The following TBL1XR1 variants were observed in gnomAD, a reference collection of about 807,000 sequenced individuals.
The protein encoded by TBL1XR1 is TBL1X/Y related 1, also known as F-box-like/WD repeat-containing protein TBL1XR1.
In TBL1XR1, 5 loss-of-function variants were observed where a neutral mutation model predicts 66.9. The ratio of observed to expected loss-of-function variants is 0.07; its 90% confidence interval spans 0.04 to 0.16. The LOEUF (loss-of-function observed/expected upper bound fraction) is 0.16. TBL1XR1 is among the 10% of genes least tolerant of loss of function. The pLI, the probability that TBL1XR1 is intolerant of heterozygous loss-of-function variation, is 1.00. For missense variants in TBL1XR1, 238 were observed against 623.2 expected, an observed-to-expected ratio of 0.38 and a Z score of 6.58; for synonymous variants, 210 against 206.0, an observed-to-expected ratio of 1.02 and a Z score of -0.17.
Position 177,022,023 on chromosome 3 carries a change from A to G in TBL1XR1, c.*3475T>C, listed in dbSNP as rs1326737689. On this transcript the variant is annotated 3_prime_UTR_variant, in exon 16 of 16. Transcript: ENST00000457928. ...ACAGTCCTCTTTAGGCCTCTACTCAATAATAGTTTACATTACTCTTAACAA... is the reference window on the plus strand; with the variant it reads ...ACAGTCCTCTTTAGGCCTCTACTCAGTAATAGTTTACATTACTCTTAACAA... The G allele has an allele frequency of 1.3e-5, 2 of 152,564 alleles. No individual in the cohort carries two copies. The highest frequency in any genetic ancestry group is 4.8e-5 in the African/African-American group (2 of 41,426). 9.5% of individuals were successfully genotyped at this position (152,564 alleles called of 1,614,324 possible). A position where few individuals can be genotyped will look rare whatever the true frequency, so the allele number is the denominator to read the frequency against.
At chr3:177,115,096 T>G (rs1375397036) in intron 1 of TBL1XR1, among the ~76,000 whole-genome samples, 2 of 152,142 alleles carry the variant, frequency 1.3e-5, no homozygotes, top group Admixed American at 6.5e-5. Flanking sequence ...ATGGGCAGGA[T>G]GGACTCCATA....
chr3:177,144,017 A>C (rs1285196506), intron 1 of TBL1XR1, among the ~76,000 whole-genome samples: 2 of 150,752 alleles, frequency 1.3e-5, no homozygotes, highest in African/African-American at 4.9e-5. Context: ...TTTGGGAGGC[A>C]GGCGGATCAC....
chr3:177,148,386 C>T (rs190152589), intron 1 of TBL1XR1, among the ~76,000 whole-genome samples: 1 of 152,322 alleles, frequency 6.6e-6, no homozygotes, highest in Admixed American at 6.5e-5. Flanking sequence ...TTCCCAGCTT[C>T]TCTTATGGCT....
At chr3:177,132,193 T>C (rs1358403002) in intron 1 of TBL1XR1, among the ~76,000 whole-genome samples, 1 of 152,194 alleles carries the variant, frequency 6.6e-6, no homozygotes, top group Non-Finnish European at 1.5e-5. Context: ...AGGCTGGTTA[T>C]GTAGCAAAAA....
intron 2 of TBL1XR1, among the ~76,000 whole-genome samples, chr3:177,075,192 C>T (rs1408887587): frequency 1.3e-5 from 2 of 152,238 alleles, no homozygotes; most frequent in African/African-American, 4.8e-5. Flanking sequence ...CTTCCAGCTT[C>T]GGTAGCACCC....
chr3:177,083,949 G>A (rs766487635), intron 2 of TBL1XR1, among the ~76,000 whole-genome samples: 12 of 151,770 alleles, frequency 7.9e-5, no homozygotes, highest in Admixed American at 3.9e-4. Flanking sequence ...TTAGCTGGGC[G>A]TGGTGGCGGG....
At chr3:177,127,957 G>A (rs576083167) in intron 1 of TBL1XR1, among the ~76,000 whole-genome samples, 16 of 152,264 alleles carry the variant, frequency 1.1e-4, no homozygotes, top group African/African-American at 3.4e-4. Flanking sequence ...AGTGGCTCAC[G>A]CCTGTAATCC....
intron 13 of TBL1XR1, among the ~76,000 whole-genome samples, chr3:177,033,896 G>C (rs1476016072): frequency 6.6e-6 from 1 of 152,116 alleles, no homozygotes; most frequent in Non-Finnish European, 1.5e-5. Context: ...AAAGGTATAA[G>C]AATGATATAA....
intron 1 of TBL1XR1, among the ~76,000 whole-genome samples, chr3:177,135,055 T>G (rs1326696965): frequency 6.0e-4 from 90 of 149,922 alleles, no homozygotes; most frequent in Admixed American, 6.0e-3. Flanking sequence ...CAGGCTGGAG[T>G]GCAATGATGC....
chr3:177,047,015 C>A (rs1028386235), intron 9 of TBL1XR1, among the ~76,000 whole-genome samples: 1 of 151,992 alleles, frequency 6.6e-6, no homozygotes, highest in Non-Finnish European at 1.5e-5. Flanking sequence ...ACTGGTGAGA[C>A]TAACTAGAAA....
At chr3:177,044,353 A>G (rs999483370) in intron 10 of TBL1XR1, among the ~76,000 whole-genome samples, 2 of 152,168 alleles carry the variant, frequency 1.3e-5, no homozygotes, top group Non-Finnish European at 2.9e-5. Flanking sequence ...CTTACCAACT[A>G]ATAGCCAGCT....
intron 1 of TBL1XR1, among the ~76,000 whole-genome samples, chr3:177,155,617 A>T (rs146973244): frequency 5.9e-4 from 90 of 152,384 alleles, no homozygotes; most frequent in African/African-American, 2.1e-3. Context: ...CAAAAGGAGA[A>T]AGATAGTTTT....
intron 1 of TBL1XR1, among the ~76,000 whole-genome samples, chr3:177,157,479 TAAAG>T (rs1036952397): frequency 6.6e-6 from 1 of 152,200 alleles, no homozygotes; most frequent in Non-Finnish European, 1.5e-5. Flanking sequence ...GAATTTAACA[TAAAG>T]AAATAGCACA....
At chr3:177,182,623 A>G (rs1379371215) in intron 1 of TBL1XR1, among the ~76,000 whole-genome samples, 1 of 152,162 alleles carries the variant, frequency 6.6e-6, no homozygotes, top group African/African-American at 2.4e-5. Context: ...GATGGGTGAG[A>G]GAGACCTGTT....
intron 2 of TBL1XR1, among the ~76,000 whole-genome samples, chr3:177,069,783 AAAAG>A (rs1719664809): frequency 1.0e-5 from 1 of 95,382 alleles, no homozygotes; most frequent in South Asian, 3.6e-4. Flanking sequence ...GAAAGGAAGG[AAAAG>A]GAAGGAAAGG....
At chr3:177,029,668 G>A (rs6784046) in intron 14 of TBL1XR1, among the ~76,000 whole-genome samples, 2,407 of 152,142 alleles carry the variant, frequency 0.016, 70 homozygotes, top group African/African-American at 0.055. Flanking sequence ...ACTTCTACGT[G>A]ATAAACACTC....
chr3:177,149,891 T>C (rs1489413164), intron 1 of TBL1XR1, among the ~76,000 whole-genome samples: 1 of 152,170 alleles, frequency 6.6e-6, no homozygotes, highest in Non-Finnish European at 1.5e-5. Flanking sequence ...CCTTAATCCT[T>C]TACATAAACA....
intron 3 of TBL1XR1, among the ~76,000 whole-genome samples, chr3:177,055,846 C>T (rs987247657): frequency 6.6e-6 from 1 of 152,128 alleles, no homozygotes; most frequent in Non-Finnish European, 1.5e-5. Flanking sequence ...AACTTCAAGA[C>T]AGAAGACATC....
intron 1 of TBL1XR1, among the ~76,000 whole-genome samples, chr3:177,124,237 TG>T (rs1281010525): frequency 6.6e-6 from 1 of 152,070 alleles, no homozygotes; most frequent in Admixed American, 6.5e-5. Context: ...GACAGAAGTC[TG>T]GGGAAGGATG....
Sources: allele counts gnomAD v4.1 joint callset (sites outside exome capture counted in the v4.1 genomes callset), GRCh38; gene constraint gnomAD v4.1.1; transcripts MANE v1.5; gene names NCBI Gene and HGNC (gene_info 2026-07-23, HGNC 2026-07-21).